Variants in PRKDC observed in about 807,000 individuals in gnomAD.
PRKDC encodes DNA-dependent protein kinase catalytic subunit.
PRKDC carries 82 observed loss-of-function variants against 486.9 expected under a neutral mutation model. That is an observed-to-expected ratio of 0.17 (90% CI 0.14 to 0.20). PRKDC has a LOEUF of 0.20. Among genes scored for constraint, PRKDC ranks in the 10% least tolerant of loss-of-function variants. The pLI is 1.00. For synonymous variants in PRKDC, 1,895 were observed against 1,837.0 expected, an observed-to-expected ratio of 1.03 and a Z score of -0.81; for missense variants, 4,504 against 5,038.2, an observed-to-expected ratio of 0.89 and a Z score of 3.21.
intron 56 of PRKDC, among the ~76,000 whole-genome samples, chr8:47,838,804 A>G (rs2088080774): frequency 6.6e-6 from 1 of 152,232 alleles, no homozygotes; most frequent in Admixed American, 6.5e-5. Context: ...TTCAACATTA[A>G]TACTTACAGC....
chr8:47,843,159 A>G (rs1303748503), intron 54 of PRKDC, among the ~76,000 whole-genome samples: 1 of 152,116 alleles, frequency 6.6e-6, no homozygotes, highest in African/African-American at 2.4e-5. Context: ...ACACAGCAAG[A>G]CCCTGTCGAA....
At chr8:47,816,425 T>A (rs2087447942) in intron 68 of PRKDC, among the ~76,000 whole-genome samples, 1 of 151,754 alleles carries the variant, frequency 6.6e-6, no homozygotes, top group Admixed American at 6.6e-5. Context: ...ATAAATAGAG[T>A]CCATCATTCT....
At chr8:47,887,833 A>G in intron 34 of PRKDC, 128 bp from the exon 35 acceptor site, 1 of 1,023,790 alleles carries the variant, frequency 9.8e-7, no homozygotes, top group East Asian at 2.8e-5. Flanking sequence ...ATATTCAGAA[A>G]AATTTTAATT....
At chr8:47,839,959 A>C in intron 55 of PRKDC, 57 bp downstream of exon 55, 3 of 1,376,848 alleles carry the variant, frequency 2.2e-6, no homozygotes, top group Non-Finnish European at 2.9e-6. Flanking sequence ...CCTCGTCGAC[A>C]GAGCAAGACC....
At chr8:47,789,825 C>T (rs2086855788) in intron 74 of PRKDC, among the ~76,000 whole-genome samples, 1 of 152,146 alleles carries the variant, frequency 6.6e-6, no homozygotes, top group Non-Finnish European at 1.5e-5. Context: ...AACCACTGAT[C>T]ATTTTAACGG....
chr8:47,854,612 T>G (rs2088491625), intron 50 of PRKDC, among the ~76,000 whole-genome samples: 1 of 152,104 alleles, frequency 6.6e-6, no homozygotes, highest in African/African-American at 2.4e-5. Context: ...AGAGCCGGGA[T>G]TAAGGCGTGA....
At chr8:47,912,270 A>G in intron 25 of PRKDC, 140 bp downstream of exon 25, 1 of 955,082 alleles carries the variant, frequency 1.0e-6, no homozygotes, top group Non-Finnish European at 1.4e-6. Flanking sequence ...GACCAATTAA[A>G]CCAGAGCACC....
At chr8:47,787,657 G>A (rs567901041) in intron 76 of PRKDC, among the ~76,000 whole-genome samples, 9 of 152,314 alleles carry the variant, frequency 5.9e-5, no homozygotes, top group African/African-American at 1.9e-4. Context: ...AGGTGCTGCT[G>A]CAGGGGTAAG....
At chr8:47,887,996 C>A (rs184866430) in intron 34 of PRKDC, among the ~76,000 whole-genome samples, 59 of 152,268 alleles carry the variant, frequency 3.9e-4, no homozygotes, top group African/African-American at 1.4e-3. Flanking sequence ...GCTGGGACTA[C>A]GGGTCCGCGG....
At chr8:47,833,359 C>A (rs2087933898) in intron 59 of PRKDC, among the ~76,000 whole-genome samples, 1 of 152,166 alleles carries the variant, frequency 6.6e-6, no homozygotes, top group South Asian at 2.1e-4. Flanking sequence ...CTGGCGCTCC[C>A]CCAGGGTTCT....
At chr8:47,863,320 C>T (rs2088720128) in intron 42 of PRKDC, 79 bp downstream of exon 42, 1 of 1,195,066 alleles carries the variant, frequency 8.4e-7, no homozygotes, top group Non-Finnish European at 1.2e-6. Context: ...TATTTATTCA[C>T]ACTATATACA....
intron 70 of PRKDC, among the ~76,000 whole-genome samples, chr8:47,802,199 C>G (rs1444509969): frequency 6.6e-6 from 1 of 152,160 alleles, no homozygotes. Flanking sequence ...GCCTCAGACT[C>G]CCCAGTAGCT....
At chr8:47,825,814 A>AT (rs1225772645) in intron 63 of PRKDC, among the ~76,000 whole-genome samples, 2 of 152,188 alleles carry the variant, frequency 1.3e-5, no homozygotes, top group Non-Finnish European at 2.9e-5. Flanking sequence ...TGGCCCTGGC[A>AT]TTTTATCTTG....
rs576430322 is a variant in PRKDC at position 47,872,789 on chromosome 8, A to G, written c.5363+4935T>C. Among the ~76,000 whole-genome samples, 28 of 152,330 alleles carry G rather than the reference A, an allele frequency of 1.8e-4. 3 individuals are homozygous for G. Among genetic ancestry groups the G allele is most frequent in the African/African-American group, 6.5e-4 (27 of 41,576 alleles). ...GTCACTGCAGCACTCAGATATATAA[A>G]TCAAATATTAGAGCTAAAGGGGTGA... On this transcript the variant is annotated intron_variant, in intron 40 of 85. Transcript: ENST00000314191.
intron 4 of PRKDC, 75 bp downstream of exon 4, chr8:47,955,799 A>G (rs968802363): frequency 1.6e-6 from 2 of 1,233,392 alleles, no homozygotes; most frequent in African/African-American, 1.5e-5. Flanking sequence ...CACCCAAAAC[A>G]CAACTCAAAA....
chr8:47,856,133 G>A (rs1394027812), intron 49 of PRKDC, among the ~76,000 whole-genome samples: 2 of 152,080 alleles, frequency 1.3e-5, no homozygotes, highest in Admixed American at 6.5e-5. Context: ...CTAAGACAAA[G>A]AAATCTAAAT....
rs986963743 is a variant in PRKDC, at chr8:47,889,102, C to T, written c.4192G>A (p.Val1398Ile). The T allele has an allele frequency of 2.5e-6, 4 of 1,613,948 alleles. No individual in the cohort carries two copies. The highest frequency in any genetic ancestry group is 2.5e-6 in the Non-Finnish European group (3 of 1,179,886). Residue 1398 changes from valine (V) to isoleucine (I), a missense_variant, in exon 33 of 86, where the codon GTT becomes ATT. This residue lies in a region of PRKDC where 1,969 missense variants were observed against 2,068.9 expected (regional missense o/e 0.95). Coordinates refer to ENST00000314191, the MANE Select transcript of PRKDC (RefSeq NM_006904.7). ...DVQVMAHLPD[V>I]CVNLMKALKM... Reference sequence around the variant, plus strand: ...AGAGCTTTCATCAGATTCACACAAACATCAGGAAGATGAGCCATAACCTGG... The same window carrying T: ...AGAGCTTTCATCAGATTCACACAAATATCAGGAAGATGAGCCATAACCTGG...
chr8:47,851,191 C>T (rs776630832), intron 52 of PRKDC, among the ~76,000 whole-genome samples: 3 of 152,170 alleles, frequency 2.0e-5, no homozygotes, highest in Admixed American at 6.5e-5. Flanking sequence ...GAAAAAAATA[C>T]GTAAAACAGA....
At chr8:47,865,784 C>T (rs1334354630) in intron 40 of PRKDC, among the ~76,000 whole-genome samples, 1 of 151,914 alleles carries the variant, frequency 6.6e-6, no homozygotes, top group Non-Finnish European at 1.5e-5. Context: ...TCCCCAAATT[C>T]CTATGTTGAA....
Sources: gnomAD v4.1 joint callset for allele counts (sites outside exome capture counted in the v4.1 genomes callset) on GRCh38, gnomAD v4.1.1 for gene constraint, gnomAD v4.1.1 regional missense constraint, MANE v1.5 for transcripts, NCBI Gene and HGNC (gene_info 2026-07-23, HGNC 2026-07-21) for gene names.